COL28A1: variants seen among roughly 807,000 people sequenced by gnomAD.
COL28A1 encodes the protein collagen alpha-1(XXVIII) chain.
Under a neutral mutation model 150.2 loss-of-function variants are expected in COL28A1, and 161 were observed. The ratio of observed to expected loss-of-function variants is 1.07; its 90% CI spans 0.94 to 1.22. The LOEUF (loss-of-function observed/expected upper bound fraction) is 1.22, where lower values mean the gene tolerates loss of function less well. Among genes scored for constraint, COL28A1 ranks in the 50% most tolerant of loss-of-function variants. The pLI, the probability that COL28A1 is intolerant of heterozygous loss-of-function variation, is 0.00. For synonymous variants in COL28A1, 552 were observed against 469.7 expected (o/e 1.18, Z -2.26); for missense variants, 1,617 against 1,388.3 (o/e 1.16, Z -2.62).
At chr7:7,395,743 C>A (rs1035938461) in intron 27 of COL28A1, among the ~76,000 whole-genome samples, 10 of 152,196 alleles carry the variant, frequency 6.6e-5, no homozygotes, top group African/African-American at 1.7e-4. Context: ...AAAGTTTAAA[C>A]CCATCCCCAC....
At chr7:7,378,913 AT>A (rs1382172310) in intron 30 of COL28A1, among the ~76,000 whole-genome samples, 1 of 152,190 alleles carries the variant, frequency 6.6e-6, no homozygotes, top group Non-Finnish European at 1.5e-5. Context: ...TTTGGCCAGC[AT>A]TCATGCTGTG....
intron 15 of COL28A1, among the ~76,000 whole-genome samples, chr7:7,469,698 GA>G: frequency 1.3e-5 from 1 of 75,710 alleles, no homozygotes; most frequent in African/African-American, 5.3e-5. Flanking sequence ...CACACTACCT[GA>G]CTTCAAACTA....
intron 28 of COL28A1, among the ~76,000 whole-genome samples, 156 bp downstream of exon 28, chr7:7,381,388 C>A (rs1294626): frequency 0.9 from 137,217 of 152,312 alleles, 61,928 homozygotes; most frequent in East Asian, 1. Flanking sequence ...TATAGGTAGA[C>A]AAAGCAATGC....
chr7:7,364,996 T>C (rs1008089502), intron 33 of COL28A1, among the ~76,000 whole-genome samples: 5 of 152,164 alleles, frequency 3.3e-5, no homozygotes, highest in Non-Finnish European at 5.9e-5. Context: ...CTCTAGACTT[T>C]AACGTCATCA....
chr7:7,411,149 G>A (rs180902166), intron 27 of COL28A1, among the ~76,000 whole-genome samples: 1 of 152,276 alleles, frequency 6.6e-6, no homozygotes, highest in Non-Finnish European at 1.5e-5. Context: ...AGGGAAGCCA[G>A]AGGTAGCAAA....
rs1171507845 is a variant in COL28A1 at position 7,373,464 on chromosome 7, A to T, written c.2442T>A (p.Phe814Leu). Residue 814 changes from phenylalanine (F) to leucine (L), a missense_variant, in exon 32 of 35, where the codon TTT (phenylalanine) becomes TTA (leucine). Phe to Leu is a conservative substitution (Grantham distance 22). Transcript: ENST00000399429. This position sits in a 1 kb window ranked among gnomAD's most constrained non-coding sequence, Gnocchi z 4.1. ...DSSESVGPEN[F>L]QIIKNFVKTM... ...TCTTCACAAAATTTTTAATGATCTG[A>T]AAGTTCTCTGGCCCCACGCTTTCTG... is the stretch of plus-strand genomic sequence containing the variant. 1.2e-6 allele frequency: 2 copies of T among 1,614,016 alleles called. No homozygotes were observed. Among genetic ancestry groups the T allele is most frequent in the African/African-American group, 2.7e-5 (2 of 74,888 alleles).
the COL28A1 span, among the ~76,000 whole-genome samples, chr7:7,348,941 C>T: frequency 6.6e-6 from 1 of 151,918 alleles, no homozygotes; most frequent in Non-Finnish European, 1.5e-5. Context: ...AGATGGCATC[C>T]CACTATGTTG....
At chr7:7,539,087 AC>A (rs11356994), upstream of COL28A1, among the ~76,000 whole-genome samples, 5,912 of 152,206 alleles carry the variant, frequency 0.039, 400 homozygotes, top group African/African-American at 0.13. Flanking sequence ...CCAGAATATG[AC>A]CTAGGCATTC....
chr7:7,439,876 G>A (rs1785630074), intron 21 of COL28A1, among the ~76,000 whole-genome samples: 1 of 152,156 alleles, frequency 6.6e-6, no homozygotes, highest in African/African-American at 2.4e-5. Context: ...GATGGACACT[G>A]AATGGACACT....
In COL28A1 at chr7:7,373,198, G is replaced by T. The variant is rs116046691; in HGVS notation, c.2708C>A (p.Thr903Asn). The stretch of plus-strand genomic sequence containing the variant: ...ATCACGAGAATCTGTCTGTCCATCA[G>T]TGATGACCAAGGCCACTTTTTTTAC... The part of the protein sequence containing the change: ...PGVKKVALVI[T>N]DGQTDSRDKE... The change falls in exon 32 of 35, where the codon ACT becomes AAT. Residue 903 changes from threonine to asparagine, a missense_variant. Transcript: ENST00000399429. This position sits in a 1 kb window ranked among gnomAD's most constrained non-coding sequence, Gnocchi z 4.1. 2,835 of 1,614,136 alleles carry T rather than the reference G, an allele frequency of 1.8e-3. 60 individuals carry two copies. The African/African-American group carries it at 0.034, about 19-fold the overall frequency.
chr7:7,475,364 C>T (rs1391109086), intron 14 of COL28A1, among the ~76,000 whole-genome samples: 1 of 152,112 alleles, frequency 6.6e-6, no homozygotes, highest in Admixed American at 6.5e-5. Flanking sequence ...CCAAATAGTA[C>T]ATACAGAGAA....
chr7:7,494,006 A>T (rs1436872736), intron 11 of COL28A1, among the ~76,000 whole-genome samples: 1 of 152,192 alleles, frequency 6.6e-6, no homozygotes, highest in Non-Finnish European at 1.5e-5. Context: ...GTAGCCCCAG[A>T]AAGAATATGT....
intron 23 of COL28A1, among the ~76,000 whole-genome samples, chr7:7,433,198 G>C (rs1228916061): frequency 1.3e-5 from 2 of 152,150 alleles, no homozygotes; most frequent in African/African-American, 2.4e-5. Context: ...GTCTCCTACA[G>C]AAAGAGCAGG....
At chr7:7,393,214 C>T (rs1016645555) in intron 27 of COL28A1, among the ~76,000 whole-genome samples, 1 of 152,182 alleles carries the variant, frequency 6.6e-6, no homozygotes, top group Non-Finnish European at 1.5e-5. Context: ...AACAGTCTGG[C>T]CCCTCTGCTG....
intron 33 of COL28A1, among the ~76,000 whole-genome samples, chr7:7,368,798 T>TA (rs1461385489): frequency 6.6e-6 from 1 of 152,204 alleles, no homozygotes; most frequent in Non-Finnish European, 1.5e-5. Context: ...TTTAAGCCAC[T>TA]CAGTCTATGG....
At chr7:7,375,848 T>A (rs73040619) in intron 30 of COL28A1, among the ~76,000 whole-genome samples, 3 of 152,178 alleles carry the variant, frequency 2.0e-5, no homozygotes, top group African/African-American at 7.2e-5. Context: ...CTGGCAACTT[T>A]AACATACCTA....
intron 15 of COL28A1, among the ~76,000 whole-genome samples, chr7:7,458,616 T>G (rs1787360494): frequency 6.6e-6 from 1 of 152,198 alleles, no homozygotes; most frequent in Non-Finnish European, 1.5e-5. Context: ...GGAATCCAGT[T>G]CTGGCTCAGA....
At chr7:7,379,096 T>C (rs903158505) in intron 30 of COL28A1, among the ~76,000 whole-genome samples, 2 of 152,152 alleles carry the variant, frequency 1.3e-5, no homozygotes, top group African/African-American at 4.8e-5. Flanking sequence ...TAGAGGAACA[T>C]ATGTGCATGC....
chr7:7,402,178 C>A (rs1016392829), intron 27 of COL28A1, among the ~76,000 whole-genome samples: 1 of 152,226 alleles, frequency 6.6e-6, no homozygotes, highest in African/African-American at 2.4e-5. Flanking sequence ...CTGTTTTGCA[C>A]ATTGACTGAG....
Sources: gnomAD v4.1 joint callset for allele counts (sites outside exome capture counted in the v4.1 genomes callset) on GRCh38, gnomAD v4.1.1 for gene constraint, Gnocchi (gnomAD v3.1) non-coding constraint, MANE v1.5 for transcripts, NCBI Gene and HGNC (gene_info 2026-07-23, HGNC 2026-07-21) for gene names.